The following NLGN4X variants were observed in gnomAD, a reference collection of about 807,000 sequenced individuals.
NLGN4X encodes neuroligin 4 X-linked, also known as neuroligin-4, X-linked.
NLGN4X carries 3 observed loss-of-function variants against 40.3 expected under a neutral mutation model. That is an observed-to-expected ratio of 0.07 (90% CI 0.03 to 0.19). The LOEUF is 0.19. NLGN4X is among the 10% of genes least tolerant of loss of function. The pLI, the probability that NLGN4X is intolerant of heterozygous loss-of-function variation, is 1.00. For missense variants in NLGN4X, 382 were observed against 708.3 expected, an observed-to-expected ratio of 0.54 and a Z score of 5.23; for synonymous variants, 270 against 306.8, an observed-to-expected ratio of 0.88 and a Z score of 1.25.
chrX:5,947,545 A>G (rs1302954458), intron 3 of NLGN4X, among the ~76,000 whole-genome samples: 3 of 112,117 alleles, frequency 2.7e-5, no homozygotes, highest in African/African-American at 9.7e-5. Flanking sequence ...TGAGGCACAA[A>G]ATGCATACAA....
At chrX:6,126,020 T>C (rs2039536328) in intron 2 of NLGN4X, among the ~76,000 whole-genome samples, 3 of 110,572 alleles carry the variant, frequency 2.7e-5, no homozygotes. Context: ...AATGTGTTAT[T>C]CCCGAAATTG....
At chrX:6,208,807 T>C (rs1341270114) in intron 1 of NLGN4X, among the ~76,000 whole-genome samples, 2 of 111,917 alleles carry the variant, frequency 1.8e-5, no homozygotes, top group East Asian at 5.6e-4. Context: ...ATAAGTTCTA[T>C]GGAAAACAGT....
intron 1 of NLGN4X, among the ~76,000 whole-genome samples, chrX:6,211,369 G>T (rs12556529): frequency 1.8e-5 from 2 of 110,844 alleles, no homozygotes; most frequent in African/African-American, 6.6e-5. Flanking sequence ...ATTAAAATAA[G>T]CCAAATGTCA....
chrX:6,118,954 C>G (rs2039360256), intron 2 of NLGN4X, among the ~76,000 whole-genome samples: 1 of 111,891 alleles, frequency 8.9e-6, no homozygotes, highest in African/African-American at 3.3e-5. Flanking sequence ...GGAAACTCTT[C>G]TCTTACTTGC....
intron 2 of NLGN4X, among the ~76,000 whole-genome samples, chrX:6,104,568 C>A (rs2038992977): frequency 9.1e-6 from 1 of 110,216 alleles, no homozygotes; most frequent in Non-Finnish European, 1.9e-5. Flanking sequence ...AAATAGAAAC[C>A]AAGATGCAAC....
At chrX:6,063,758 G>A (rs2037831229) in intron 2 of NLGN4X, among the ~76,000 whole-genome samples, 1 of 112,248 alleles carries the variant, frequency 8.9e-6, no homozygotes, top group South Asian at 3.7e-4. Context: ...AAAAATCTTA[G>A]AGAATAAATG....
In NLGN4X at chrX:5,911,830, T is replaced by TA. The variant is rs756671382; in HGVS notation, c.626-2592_626-2591insT. Among the ~76,000 whole-genome samples the TA allele has an allele frequency of 8.9e-5, 10 of 112,078 alleles. No individual in the cohort carries two copies. The South Asian group carries it at 3.0e-3, about 34-fold the overall frequency. On this transcript the variant is annotated intron_variant, in intron 3 of 5. Transcript: ENST00000381095. ...TCCATCTTGCCTTTAACCTCCATAC[T>TA]GTTCTTGATCATTCCTGGGCACGGG...
intron 2 of NLGN4X, among the ~76,000 whole-genome samples, chrX:6,049,678 C>CT (rs2095599214): frequency 1.1e-5 from 1 of 91,004 alleles, no homozygotes; most frequent in African/African-American, 4.1e-5. Context: ...AGAAAAAACT[C>CT]TTAAGAGGGT....
chrX:6,195,083 C>T (rs944349989), intron 1 of NLGN4X, among the ~76,000 whole-genome samples: 6 of 111,812 alleles, frequency 5.4e-5, no homozygotes, highest in Non-Finnish European at 1.1e-4. Flanking sequence ...GTTTGCTGCA[C>T]CTATCAACCC....
At chrX:6,095,763 G>C (rs2038759585) in intron 2 of NLGN4X, among the ~76,000 whole-genome samples, 1 of 111,858 alleles carries the variant, frequency 8.9e-6, no homozygotes, top group Admixed American at 9.5e-5. Flanking sequence ...TAAAGACTTG[G>C]AGTGGGTAGA....
intron 3 of NLGN4X, among the ~76,000 whole-genome samples, chrX:5,979,290 C>G (rs2035302735): frequency 9.0e-6 from 1 of 111,592 alleles, no homozygotes; most frequent in South Asian, 3.8e-4. Context: ...CAGAAGCATT[C>G]CAGCCTATGA....
intron 1 of NLGN4X, among the ~76,000 whole-genome samples, chrX:6,166,723 G>A (rs1216802205): frequency 9.0e-6 from 1 of 110,510 alleles, no homozygotes; most frequent in Non-Finnish European, 1.9e-5. Flanking sequence ...TATCTCATAC[G>A]AGTCTTATCT....
At chrX:5,991,669 T>C in intron 3 of NLGN4X, 1 of 367,107 alleles carries the variant, frequency 2.7e-6, no homozygotes, top group Middle Eastern at 7.7e-4. Flanking sequence ...AGTAAACAAG[T>C]GTGAATGATG....
intron 3 of NLGN4X, among the ~76,000 whole-genome samples, chrX:6,008,544 T>TA (rs1469893901): frequency 2.7e-5 from 3 of 111,805 alleles, no homozygotes; most frequent in Non-Finnish European, 5.6e-5. Flanking sequence ...TTTTAAAAGT[T>TA]ACTTTATTTT....
At chrX:5,964,975 T>G (rs1164239195) in intron 3 of NLGN4X, among the ~76,000 whole-genome samples, 2 of 112,347 alleles carry the variant, frequency 1.8e-5, no homozygotes, top group Non-Finnish European at 3.8e-5. Flanking sequence ...CTTTCCCTCC[T>G]TATCTATATG....
At chrX:6,184,158 T>C (rs1374366346) in intron 1 of NLGN4X, among the ~76,000 whole-genome samples, 2 of 112,337 alleles carry the variant, frequency 1.8e-5, no homozygotes, top group African/African-American at 6.5e-5. Flanking sequence ...TTAAAATCTG[T>C]AGCTGGCAAA....
At chrX:6,218,456 G>A (rs1380076538) in intron 1 of NLGN4X, among the ~76,000 whole-genome samples, 1 of 92,687 alleles carries the variant, frequency 1.1e-5, no homozygotes, top group Non-Finnish European at 2.1e-5. Context: ...TTTTGAAATA[G>A]GACATGAGAG....
intron 3 of NLGN4X, among the ~76,000 whole-genome samples, chrX:6,000,317 T>C (rs755089908): frequency 1.8e-5 from 2 of 112,501 alleles, no homozygotes; most frequent in Non-Finnish European, 3.8e-5. Context: ...TTTGGTTTCT[T>C]AGAAAAAAGC....
intron 3 of NLGN4X, among the ~76,000 whole-genome samples, chrX:5,952,787 GC>G (rs1381181991): frequency 9.0e-6 from 1 of 110,944 alleles, no homozygotes. Context: ...GAGGCCGAAT[GC>G]CTTCTTCTGC....
Sources: gnomAD v4.1 joint callset for allele counts (sites outside exome capture counted in the v4.1 genomes callset) on GRCh38, gnomAD v4.1.1 for gene constraint, MANE v1.5 for transcripts, NCBI Gene and HGNC (gene_info 2026-07-23, HGNC 2026-07-21) for gene names.